The following BIN3 variants were observed in gnomAD, a reference collection of about 807,000 sequenced individuals.
BIN3 encodes bridging integrator 3.
A neutral mutation model predicts 38.2 loss-of-function variants in BIN3; 41 were observed. The ratio of observed to expected loss-of-function variants is 1.07; its 90% CI spans 0.84 to 1.39. The LOEUF is 1.39. Among genes scored for constraint, BIN3 ranks in the 40% most tolerant of loss-of-function variants. The probability of loss-of-function intolerance (pLI) is 0.00; values close to 1 mark genes in which losing one functional copy is unlikely to be tolerated. For synonymous variants in BIN3, 145 were observed against 122.6 expected (o/e 1.18, Z -1.21); for missense variants, 361 against 324.3 (o/e 1.11, Z -0.87).
chr8:22,627,639 TC>T (rs1802043571), intron 6 of BIN3, among the ~76,000 whole-genome samples: 1 of 139,576 alleles, frequency 7.2e-6, no homozygotes, highest in South Asian at 2.5e-4. Context: ...ACTCTGCTGT[TC>T]CAGCGCACTT....
At chr8:22,658,373 T>C (rs1003215144) in intron 1 of BIN3, among the ~76,000 whole-genome samples, 1 of 152,226 alleles carries the variant, frequency 6.6e-6, no homozygotes, top group Admixed American at 6.5e-5. Context: ...AAGCTACAAA[T>C]ATACTTTTTC....
At position 22,650,074 on chromosome 8, in the gene BIN3, C is replaced by T. The variant is rs568508498; in HGVS notation, c.9-5271G>A. Among the ~76,000 whole-genome samples the T allele has an allele frequency of 9.2e-5, 14 of 152,148 alleles. No individual in the cohort carries two copies. In the South Asian group the frequency reaches 2.1e-3, roughly 23 times the overall value. On this transcript the variant is annotated intron_variant, in intron 1 of 8. Coordinates refer to ENST00000276416, the MANE Select transcript of BIN3 (RefSeq NM_018688.6). ...AGGTATATAATGGAAATGTACCACTCGTTTTATTTCTGTAACCTCATCACT... is the reference window on the plus strand; with the variant it reads ...AGGTATATAATGGAAATGTACCACTTGTTTTATTTCTGTAACCTCATCACT...
intron 1 of BIN3, among the ~76,000 whole-genome samples, chr8:22,668,611 G>A (rs189819330): frequency 1.8e-4 from 27 of 152,362 alleles, no homozygotes; most frequent in African/African-American, 5.8e-4. Flanking sequence ...CCAGAAGGGA[G>A]TGGGTTTTGA....
At chr8:22,640,712 C>T (rs755169054) in intron 2 of BIN3, among the ~76,000 whole-genome samples, 2 of 152,116 alleles carry the variant, frequency 1.3e-5, no homozygotes, top group East Asian at 3.9e-4. Context: ...CTTTTGCAAT[C>T]CCCCAAGTGT....
chr8:22,631,866 T>C (rs1802213956), intron 4 of BIN3, among the ~76,000 whole-genome samples: 1 of 152,172 alleles, frequency 6.6e-6, no homozygotes, highest in African/African-American at 2.4e-5. Context: ...GAGCTCTTGG[T>C]CCTGAACATG....
chr8:22,657,994 A>G (rs552286614), intron 1 of BIN3, among the ~76,000 whole-genome samples: 1 of 152,306 alleles, frequency 6.6e-6, no homozygotes, highest in East Asian at 1.9e-4. Flanking sequence ...TCCTCCTCAC[A>G]CTTGCCTCAG....
chr8:22,651,486 T>C (rs181935188), intron 1 of BIN3, among the ~76,000 whole-genome samples: 12 of 152,316 alleles, frequency 7.9e-5, no homozygotes, highest in African/African-American at 2.9e-4. Context: ...CATTTACCCC[T>C]TATTTTGGTG....
At chr8:22,669,009 G>C in intron 1 of BIN3, 35 bp downstream of exon 1, 1 of 1,567,786 alleles carries the variant, frequency 6.4e-7, no homozygotes. Flanking sequence ...CGGGTCCGCG[G>C]GTCCAGCAGC....
chr8:22,635,809 C>T (rs903483146), intron 4 of BIN3, among the ~76,000 whole-genome samples: 2 of 152,158 alleles, frequency 1.3e-5, no homozygotes, highest in African/African-American at 4.8e-5. Context: ...GAGAAAGAAC[C>T]TCAAGGAATG....
Position 22,621,431 on chromosome 8 carries a change from G to A in BIN3, c.753C>T (p.Ala251=), listed in dbSNP as rs766793980. ...LSELRALSIV[A]DD ...CAAGAGTGACGGGGATTCAGTCATC[G>A]GCCACAATGGAGAGGGCCCGGAGCT... Residue 251 remains alanine, a synonymous_variant, in exon 9 of 9, where the codon GCC becomes GCT. Transcript: ENST00000276416. 1.4e-5 allele frequency: 22 copies of A among 1,612,958 alleles called. No individual in the cohort carries two copies. Among genetic ancestry groups the A allele is most frequent in the Admixed American group, 1.3e-4 (8 of 59,898 alleles).
intron 1 of BIN3, among the ~76,000 whole-genome samples, chr8:22,645,237 T>G (rs901656835): frequency 6.8e-6 from 1 of 147,234 alleles, no homozygotes; most frequent in Non-Finnish European, 1.5e-5. Context: ...GAGGCCCAGG[T>G]GGAGGACTGC....
chr8:22,624,547 G>A, intron 6 of BIN3, 184 bp from the exon 7 acceptor site: 1 of 672,912 alleles, frequency 1.5e-6, no homozygotes, highest in Non-Finnish European at 2.5e-6. Flanking sequence ...CCTGCTCTAG[G>A]TCTTGGGGAG....
At chr8:22,647,192 A>G (rs1459977357) in intron 1 of BIN3, among the ~76,000 whole-genome samples, 1 of 152,258 alleles carries the variant, frequency 6.6e-6, no homozygotes, top group Non-Finnish European at 1.5e-5. Flanking sequence ...AGAATTCTAA[A>G]GAAGTCTCAG....
intron 4 of BIN3, among the ~76,000 whole-genome samples, chr8:22,631,508 C>T (rs762557342): frequency 1.9e-4 from 29 of 152,178 alleles, no homozygotes; most frequent in Non-Finnish European, 4.1e-4. Flanking sequence ...AGTTTGGTTC[C>T]ATTTTAGCGA....
At chr8:22,660,637 G>A (rs1052320523) in intron 1 of BIN3, among the ~76,000 whole-genome samples, 53 of 152,156 alleles carry the variant, frequency 3.5e-4, no homozygotes, top group Non-Finnish European at 7.1e-4. Flanking sequence ...GCGGGCAAAC[G>A]TTCTCTTGCT....
At position 22,668,996 on chromosome 8, in the gene BIN3, T is replaced by TCGCGGGTC. The variant is rs570969502; in HGVS notation, c.8+40_8+47dup. 732 of 1,559,302 alleles carry TCGCGGGTC rather than the reference T, an allele frequency of 4.7e-4. 1 individual carries two copies. The highest frequency in any genetic ancestry group is 1.8e-3 in the African/African-American group (130 of 73,566). On this transcript the variant is annotated intron_variant, in intron 1 of 8. Transcript: ENST00000276416. ...CGGCACTGACACAGGGCCAGGGGCC[T>TCGCGGGTC]CGCGGGTCCGCGGGTCCAGCAGCTC...
At chr8:22,651,400 A>G (rs1313269831) in intron 1 of BIN3, among the ~76,000 whole-genome samples, 1 of 152,220 alleles carries the variant, frequency 6.6e-6, no homozygotes, top group African/African-American at 2.4e-5. Context: ...TCTCAGCACC[A>G]GCTGTCCCTT....
intron 1 of BIN3, among the ~76,000 whole-genome samples, chr8:22,648,690 A>C (rs2117567856): frequency 6.6e-6 from 1 of 152,140 alleles, no homozygotes; most frequent in East Asian, 1.9e-4. Flanking sequence ...CCCTTTCCCT[A>C]CTGCACTCCT....
intron 4 of BIN3, among the ~76,000 whole-genome samples, chr8:22,631,542 G>A (rs1349143508): frequency 6.6e-6 from 1 of 152,198 alleles, no homozygotes; most frequent in African/African-American, 2.4e-5. Flanking sequence ...GCGCAAAAGG[G>A]TTTGTAATGC....
Sources: gnomAD v4.1 joint callset for allele counts (sites outside exome capture counted in the v4.1 genomes callset) on GRCh38, gnomAD v4.1.1 for gene constraint, MANE v1.5 for transcripts, NCBI Gene and HGNC (gene_info 2026-07-23, HGNC 2026-07-21) for gene names.